PARP11: variants seen among roughly 807,000 people sequenced by gnomAD.
PARP11 encodes the protein poly(ADP-ribose) polymerase family member 11.
In PARP11, 31 loss-of-function variants were observed where a neutral mutation model predicts 42.9. That is an observed-to-expected ratio of 0.72 (90% CI 0.54 to 0.98). PARP11 has a LOEUF of 0.98. Ranked by LOEUF, PARP11 falls within the 50% of genes least tolerant of loss-of-function variation. The pLI is 0.00. For missense variants in PARP11, 365 were observed against 413.1 expected (o/e 0.88, Z 1.01); for synonymous variants, 137 against 127.3 (o/e 1.08, Z -0.51).
intron 1 of PARP11, among the ~76,000 whole-genome samples, chr12:3,843,485 G>A (rs1947934856): frequency 6.6e-6 from 1 of 152,150 alleles, no homozygotes; most frequent in African/African-American, 2.4e-5. Flanking sequence ...TTGCACCATT[G>A]GTTATGTATC....
rs1947141823 is a variant in PARP11 at position 3,810,234 on chromosome 12, G to A, written c.*1889C>T. ...TAGAGAGAAAATTCAGCATTAGAAGGAGTTAAGAGAAAAGCTTTCTGAAAA... is the reference window on the plus strand; with the variant it reads ...TAGAGAGAAAATTCAGCATTAGAAGAAGTTAAGAGAAAAGCTTTCTGAAAA... On this transcript the variant is annotated 3_prime_UTR_variant, in exon 8 of 8. Transcript: ENST00000228820. 1 of 152,164 alleles carries A rather than the reference G, an allele frequency of 6.6e-6. No individual in the cohort carries two copies. The highest frequency in any genetic ancestry group is 1.5e-5 in the Non-Finnish European group (1 of 68,032). The allele number at this position is 152,164 out of a possible 1,614,324, so 9.4% of individuals were successfully genotyped here.
Position 3,851,885 on chromosome 12 carries a change from G to A in PARP11, c.18+21327C>T, listed in dbSNP as rs140631178. Among the ~76,000 whole-genome samples, 514 of 152,264 alleles carry A rather than the reference G, an allele frequency of 3.4e-3. 3 individuals are homozygous for A. The highest frequency in any genetic ancestry group is 0.011 in the African/African-American group (440 of 41,528). On this transcript the variant is annotated intron_variant, in intron 1 of 7. Transcript: ENST00000228820. ...GGGCCGACTGACACCTCATACAGTC[G>A]GATGCCCCTCTGAGACGAAGCTTCC...
At chr12:3,846,602 A>G (rs922387918) in intron 1 of PARP11, among the ~76,000 whole-genome samples, 2 of 151,542 alleles carry the variant, frequency 1.3e-5, no homozygotes, top group Non-Finnish European at 2.9e-5. Flanking sequence ...TAAAAATACA[A>G]AAAAATTAGC....
chr12:3,838,322 G>A (rs184501842), intron 1 of PARP11, among the ~76,000 whole-genome samples: 3 of 151,800 alleles, frequency 2.0e-5, no homozygotes, highest in African/African-American at 7.3e-5. Context: ...ACAAAAACAT[G>A]GAAATTAAAC....
chr12:3,822,544 AGCCGAGATT>A (rs1441894718), intron 4 of PARP11, among the ~76,000 whole-genome samples: 1 of 148,720 alleles, frequency 6.7e-6, no homozygotes. Flanking sequence ...GCTTGCAGTG[AGCCGAGATT>A]GCGCCACTGC....
At chr12:3,862,136 G>GA (rs2138118204) in intron 1 of PARP11, among the ~76,000 whole-genome samples, 1 of 152,258 alleles carries the variant, frequency 6.6e-6, no homozygotes, top group Non-Finnish European at 1.5e-5. Context: ...ATTTGAAAAA[G>GA]ATTTTTCTCA....
In PARP11 at chr12:3,873,201, C is replaced by T. The variant is rs1383688576; in HGVS notation, c.18+11G>A. On this transcript the variant is annotated intron_variant, in intron 1 of 7. Coordinates refer to ENST00000228820, the MANE Select transcript of PARP11 (RefSeq NM_020367.6). ...CCCCCTGGGCCCGCCCCGTCCCGCC[C>T]GGCTACTCACTGGATTCGCTTCCCA... 2 of 1,548,382 alleles carry T rather than the reference C, an allele frequency of 1.3e-6. No homozygotes were observed. The highest frequency in any genetic ancestry group is 2.7e-5 in the African/African-American group (2 of 73,020).
chr12:3,829,018 T>G lies in PARP11; in HGVS notation c.160A>C (p.Ser54Arg). The change falls in exon 3 of 8, where the codon AGT becomes CGT. Residue 54 changes from serine to arginine, a missense_variant. Transcript: ENST00000228820. ...TCTTCACTGCTAACTGAACACTGAC[T>G]GTTGGTATCCGGCTTTAAGACAAAC... ...KWHMFQPDTN[S>R]QCSVSSEDIE... is the part of the protein sequence containing the mutation. 1.2e-6 allele frequency: 2 copies of G among 1,614,024 alleles called. No homozygotes were observed. The highest frequency in any genetic ancestry group is 1.7e-6 in the Non-Finnish European group (2 of 1,179,916).
chr12:3,836,619 T>C (rs945369986), intron 1 of PARP11, among the ~76,000 whole-genome samples: 8 of 152,142 alleles, frequency 5.3e-5, no homozygotes, highest in Non-Finnish European at 1.2e-4. Context: ...CATAAACCAA[T>C]ACATGAACTG....
Position 3,821,930 on chromosome 12 carries a change from T to G in PARP11, c.491A>C (p.Asn164Thr), listed in dbSNP as rs775827919. 3 of 1,611,244 alleles carry G rather than the reference T, an allele frequency of 1.9e-6. No homozygotes were observed. Among genetic ancestry groups the G allele is most frequent in the Non-Finnish European group, 2.5e-6 (3 of 1,179,340 alleles). The change falls in exon 6 of 8, where the codon AAC becomes ACC. Residue 164 changes from asparagine (N) to threonine (T), a missense_variant. By Grantham distance (65) the Asn-to-Thr change is moderately conservative. Transcript: ENST00000228820. ...AATTCTCTGAATTCTTTTAATTCGG[T>G]TGCGATCCATCGTCTTCCCAAAGAG... is the stretch of plus-strand genomic sequence containing the variant. ...ANLFGKTMDR[N>T]RIKRIQRIQN...
intron 1 of PARP11, chr12:3,841,285 C>A (rs888598983): frequency 7.6e-7 from 1 of 1,318,232 alleles, no homozygotes; most frequent in Admixed American, 1.7e-5. Context: ...CTTCTTCAAT[C>A]TTGGTGTGAA....
rs760191744 is a variant in PARP11 at position 3,854,373 on chromosome 12, A to G, written c.18+18839T>C. On this transcript the variant is annotated intron_variant, in intron 1 of 7. Coordinates refer to ENST00000228820, the MANE Select transcript of PARP11 (RefSeq NM_020367.6). ...GCTGGTTTTTGAAAAGATCAACAAA[A>G]TTGATAGACCGCTAGCAAGACGAAC... Among the ~76,000 whole-genome samples the G allele has an allele frequency of 2.6e-5, 4 of 152,296 alleles. No homozygotes were observed. The East Asian group carries it at 5.8e-4, about 22-fold the overall frequency.
intron 1 of PARP11, chr12:3,842,390 G>C (rs945454583): frequency 6.2e-7 from 1 of 1,611,340 alleles, no homozygotes; most frequent in African/African-American, 1.3e-5. Context: ...GAGGAGTCCT[G>C]GAAAGGACAG....
At chr12:3,864,086 C>T (rs895555723) in intron 1 of PARP11, 8 of 152,194 alleles carry the variant, frequency 5.3e-5, no homozygotes, top group African/African-American at 1.7e-4. Context: ...TTCCACATAC[C>T]GTCCATCAGG....
intron 1 of PARP11, among the ~76,000 whole-genome samples, chr12:3,864,130 A>C (rs190979863): frequency 6.6e-6 from 1 of 152,214 alleles, no homozygotes; most frequent in Non-Finnish European, 1.5e-5. Flanking sequence ...TAGGCTGCTG[A>C]GAATTTTAAT....
rs1360878088 is a variant in PARP11, at chr12:3,830,077, T to C, written c.19-59A>G. 4 of 1,503,398 alleles carry C rather than the reference T, an allele frequency of 2.7e-6. No individual in the cohort carries two copies. The East Asian group carries it at 9.1e-5, about 34-fold the overall frequency. 93.1% of individuals were successfully genotyped at this position (1,503,398 alleles called of 1,614,324 possible). ...ATTCTATTAATAACAAGTATACTTT[T>C]TACAGATCATTTTACTTCTTTACAA... is the stretch of plus-strand genomic sequence containing the variant. On this transcript the variant is annotated intron_variant, in intron 1 of 7. Transcript: ENST00000228820.
chr12:3,839,425 G>A lies in PARP11; in HGVS notation c.19-9407C>T. On this transcript the variant is annotated intron_variant, in intron 1 of 7. Transcript: ENST00000228820. ...CTTGTATCGGAAACTGGTCGCCAAGGACGGGTCGTGCCTGTTCCGGGCCGT... is the reference window on the plus strand; with the variant it reads ...CTTGTATCGGAAACTGGTCGCCAAGAACGGGTCGTGCCTGTTCCGGGCCGT... 6.9e-6 allele frequency: 11 copies of A among 1,595,738 alleles called. No individual in the cohort carries two copies. The South Asian group carries it at 1.2e-4, about 18-fold the overall frequency.
intron 1 of PARP11, among the ~76,000 whole-genome samples, chr12:3,859,805 T>C (rs1948265447): frequency 6.6e-6 from 1 of 152,174 alleles, no homozygotes. Context: ...GTGGCTATAC[T>C]AATGCCAGGC....
Position 3,832,060 on chromosome 12 carries a change from T to C in PARP11, c.19-2042A>G, listed in dbSNP as rs191766012. The stretch of plus-strand genomic sequence containing the variant: ...GAAAAGAGAATAGAAAATAGGAAAG[T>C]TCCCTTTATACAGCATACATATAAC... On this transcript the variant is annotated intron_variant, in intron 1 of 7. Transcript: ENST00000228820. 36 of 656,164 alleles carry C rather than the reference T, an allele frequency of 5.5e-5. No homozygotes were observed. In the African/African-American group the frequency reaches 6.4e-4, roughly 12 times the overall value. 40.6% of individuals were successfully genotyped at this position (656,164 alleles called of 1,614,324 possible).
Sources: gnomAD v4.1 joint callset for allele counts (sites outside exome capture counted in the v4.1 genomes callset) on GRCh38, gnomAD v4.1.1 for gene constraint, MANE v1.5 for transcripts, NCBI Gene and HGNC (gene_info 2026-07-23, HGNC 2026-07-21) for gene names.